Variants in CLCA1 observed in about 807,000 individuals in gnomAD.
CLCA1 encodes the protein calcium-activated chloride channel regulator 1.
CLCA1 carries 59 observed loss-of-function variants against 85.6 expected under a neutral mutation model. The ratio of observed to expected loss-of-function variants is 0.69; its 90% CI spans 0.56 to 0.86. The LOEUF is 0.86. Among genes scored for constraint, CLCA1 ranks in the 40% least tolerant of loss-of-function variants. The pLI, the probability that CLCA1 is intolerant of heterozygous loss-of-function variation, is 0.00. For synonymous variants in CLCA1, 396 were observed against 398.3 expected (o/e 0.99, Z 0.07); for missense variants, 1,022 against 1,101.4 (o/e 0.93, Z 1.02).
At chr1:86,495,700 T>C in intron 12 of CLCA1, 25 bp downstream of exon 12, 1 of 1,586,152 alleles carries the variant, frequency 6.3e-7, no homozygotes. Flanking sequence ...ATAACATACC[T>C]GGCTTGTGCA....
chr1:86,488,506 A>T (rs1273528736), intron 7 of CLCA1, among the ~76,000 whole-genome samples: 1 of 152,210 alleles, frequency 6.6e-6, no homozygotes, highest in East Asian at 1.9e-4. Context: ...TTGACAACTC[A>T]TGTGACCTAG....
At position 86,495,550 on chromosome 1, in the gene CLCA1, C is replaced by T. The variant is rs1482830608; in HGVS notation, c.1988C>T (p.Thr663Ile). 1 of 1,614,026 alleles carries T rather than the reference C, an allele frequency of 6.2e-7. No homozygotes were observed. Among genetic ancestry groups the T allele is most frequent in the South Asian group, 1.1e-5 (1 of 91,070 alleles). Residue 663 changes from threonine to isoleucine, a missense_variant, in exon 12 of 14, where the codon ACA becomes ATA. Coordinates refer to ENST00000394711, the MANE Select transcript of CLCA1 (RefSeq NM_001285.4). ...KDDGVYSRYF[T>I]TYDTNGRYSV... ...GACGGTGTCTACTCAAGGTATTTCACAACTTATGACACGAATGGTAGATAC... is the reference window on the plus strand; with the variant it reads ...GACGGTGTCTACTCAAGGTATTTCATAACTTATGACACGAATGGTAGATAC...
chr1:86,474,520 C>G (rs549266177), intron 3 of CLCA1, among the ~76,000 whole-genome samples: 5 of 151,054 alleles, frequency 3.3e-5, no homozygotes, highest in East Asian at 3.9e-4. Context: ...CGCCACTGCA[C>G]TCCAGCCTGG....
chr1:86,494,376 G>A lies in CLCA1; in HGVS notation c.1870G>A (p.Ala624Thr). The change falls in exon 11 of 14, where the codon GCC becomes ACC. Residue 624 changes from alanine (A) to threonine (T), a missense_variant. By Grantham distance (58) the Ala-to-Thr change is moderately conservative (BLOSUM62 0). Coordinates refer to ENST00000394711, the MANE Select transcript of CLCA1 (RefSeq NM_001285.4). ...CCAAGGAGCCTCCCCAATTCTCAGGGCCAGTGTCACAGCCCTGATTGAATC... is the reference window on the plus strand; with the variant it reads ...CCAAGGAGCCTCCCCAATTCTCAGGACCAGTGTCACAGCCCTGATTGAATC... ...IRQGASPILR[A>T]SVTALIESVN... The A allele has an allele frequency of 6.2e-7, 1 of 1,614,160 alleles. No homozygotes were observed. Among genetic ancestry groups the A allele is most frequent in the Non-Finnish European group, 8.5e-7 (1 of 1,180,006 alleles).
At position 86,489,034 on chromosome 1, in the gene CLCA1, T is replaced by C; in HGVS notation, c.1221T>C (p.Ile407=). The C allele has an allele frequency of 6.2e-6, 10 of 1,614,156 alleles. No individual in the cohort carries two copies. Among genetic ancestry groups the C allele is most frequent in the Non-Finnish European group, 6.8e-6 (8 of 1,180,026 alleles). ...AATATCCAACTGATGGATCTGAAATTGTGCTGCTGACGGATGGGGAAGACA... is the reference window on the plus strand; with the variant it reads ...AATATCCAACTGATGGATCTGAAATCGTGCTGCTGACGGATGGGGAAGACA... The part of the protein sequence containing the change: ...RKKYPTDGSE[I]VLLTDGEDNT... The change falls in exon 8 of 14, where the codon ATT becomes ATC. Residue 407 remains isoleucine (I), a synonymous_variant. Coordinates refer to ENST00000394711, the MANE Select transcript of CLCA1 (RefSeq NM_001285.4).
At chr1:86,484,177 T>A (rs1210196662) in intron 5 of CLCA1, among the ~76,000 whole-genome samples, 1 of 151,978 alleles carries the variant, frequency 6.6e-6, no homozygotes, top group African/African-American at 2.4e-5. Context: ...CCAAACCATA[T>A]CAGATGGATT....
intron 3 of CLCA1, 77 bp from the exon 4 acceptor site, chr1:86,476,371 A>T (rs1299480718): frequency 1.4e-6 from 1 of 714,428 alleles, no homozygotes; most frequent in Non-Finnish European, 2.5e-6. Context: ...AATATTCCAA[A>T]CATTGCTTTC....
intron 3 of CLCA1, 25 bp downstream of exon 3, chr1:86,473,901 T>C (rs1388657857): frequency 1.3e-6 from 2 of 1,552,766 alleles, no homozygotes; most frequent in African/African-American, 2.7e-5. Context: ...ACCATACTTC[T>C]CATACAATTT....
At position 86,494,338 on chromosome 1, in the gene CLCA1, A is replaced by G. The variant is rs906757531; in HGVS notation, c.1832A>G (p.Tyr611Cys). ...TSKFPSPLVV[Y>C]ANIRQGASPI... ...AAATTCCCCAGCCCTCTGGTAGTTT[A>G]TGCAAATATTCGCCAAGGAGCCTCC... Residue 611 changes from tyrosine to cysteine, a missense_variant, in exon 11 of 14, where the codon TAT becomes TGT. By Grantham distance (194) the Tyr-to-Cys change is radical. Coordinates refer to ENST00000394711, the MANE Select transcript of CLCA1 (RefSeq NM_001285.4). 6.2e-6 allele frequency: 10 copies of G among 1,614,194 alleles called. No individual in the cohort carries two copies. Among genetic ancestry groups the G allele is most frequent in the Non-Finnish European group, 8.5e-6 (10 of 1,180,018 alleles).
At chr1:86,483,763 C>A (rs1647882568) in intron 5 of CLCA1, among the ~76,000 whole-genome samples, 1 of 152,128 alleles carries the variant, frequency 6.6e-6, no homozygotes, top group Admixed American at 6.5e-5. Flanking sequence ...GTGTCAGGCA[C>A]TAGGGCTAAA....
intron 1 of CLCA1, among the ~76,000 whole-genome samples, chr1:86,469,797 G>A (rs1413808129): frequency 6.6e-6 from 1 of 152,098 alleles, no homozygotes; most frequent in Non-Finnish European, 1.5e-5. Flanking sequence ...ATAAAAGACC[G>A]CCCTGGAATC....
intron 9 of CLCA1, among the ~76,000 whole-genome samples, chr1:86,491,644 A>G (rs140140334): frequency 6.6e-6 from 1 of 152,374 alleles, no homozygotes; most frequent in East Asian, 1.9e-4. Flanking sequence ...TTCTTTTTTA[A>G]CATCTCTGAA....
At chr1:86,490,141 C>T (rs762344431) in intron 8 of CLCA1, among the ~76,000 whole-genome samples, 11 of 152,192 alleles carry the variant, frequency 7.2e-5, no homozygotes, top group Non-Finnish European at 1.5e-4. Context: ...GTCTATCAGT[C>T]TTTGGCTGTG....
At chr1:86,495,251 G>T (rs1421376724) in intron 11 of CLCA1, among the ~76,000 whole-genome samples, 1 of 152,124 alleles carries the variant, frequency 6.6e-6, no homozygotes, top group Non-Finnish European at 1.5e-5. Flanking sequence ...GCTACATTGG[G>T]TGTAACACAG....
intron 2 of CLCA1, 61 bp downstream of exon 2, chr1:86,473,618 A>T: frequency 6.7e-7 from 1 of 1,492,930 alleles, no homozygotes; most frequent in Non-Finnish European, 9.1e-7. Flanking sequence ...ATTTTTTAAA[A>T]TCAAAATATT....
intron 6 of CLCA1, 60 bp downstream of exon 6, chr1:86,485,621 CT>C (rs1412311214): frequency 1.4e-6 from 2 of 1,473,382 alleles, no homozygotes; most frequent in African/African-American, 2.8e-5. Flanking sequence ...GTTCTGGACC[CT>C]GACTCGGAAC....
rs1208639296 is a variant in CLCA1, at chr1:86,485,500, C to T, written c.893C>T (p.Ser298Leu). 6.2e-7 allele frequency: 1 copy of T among 1,614,064 alleles called. No homozygotes were observed. The highest frequency in any genetic ancestry group is 1.3e-5 in the African/African-American group (1 of 74,920). Reference sequence around the variant, plus strand: ...ACACAGCCACCAAATCCCACCTTCTCATTGCTGCAGATTGGACAAAGAATT... The same window carrying T: ...ACACAGCCACCAAATCCCACCTTCTTATTGCTGCAGATTGGACAAAGAATT... ...MTTQPPNPTF[S>L]LLQIGQRIVC... is the part of the protein sequence containing the mutation. Residue 298 changes from serine to leucine, a missense_variant, in exon 6 of 14, where the codon TCA (serine) becomes TTA (leucine). Transcript: ENST00000394711.
At chr1:86,494,005 G>T (rs5744402) in intron 10 of CLCA1, among the ~76,000 whole-genome samples, 182 bp from the exon 11 acceptor site, 1 of 152,144 alleles carries the variant, frequency 6.6e-6, no homozygotes, top group East Asian at 1.9e-4. Context: ...CAATGGGAAT[G>T]ATATAGTTAG....
At chr1:86,495,698 C>T (rs765171038) in intron 12 of CLCA1, 23 bp downstream of exon 12, 2 of 1,589,314 alleles carry the variant, frequency 1.3e-6, no homozygotes, top group African/African-American at 2.7e-5. Flanking sequence ...TAATAACATA[C>T]CTGGCTTGTG....
Sources: gnomAD v4.1 joint callset for allele counts (sites outside exome capture counted in the v4.1 genomes callset) on GRCh38, gnomAD v4.1.1 for gene constraint, MANE v1.5 for transcripts, NCBI Gene and HGNC (gene_info 2026-07-23, HGNC 2026-07-21) for gene names.